Variants in EYS observed in about 807,000 individuals in gnomAD.
The protein encoded by EYS is EGF-like photoreceptor maintenance factor, also known as protein eyes shut homolog.
A neutral mutation model predicts 282.1 loss-of-function variants in EYS; 250 were observed. That is an observed-to-expected ratio of 0.89 (90% CI 0.80 to 0.98). The LOEUF is 0.98. Ranked by LOEUF, EYS falls within the 50% of genes least tolerant of loss-of-function variation. The probability of loss-of-function intolerance (pLI) is 0.00; values close to 1 mark genes in which losing one functional copy is unlikely to be tolerated. For synonymous variants in EYS, 1,355 were observed against 1,282.9 expected (o/e 1.06, Z -1.20); for missense variants, 4,016 against 3,709.0 (o/e 1.08, Z -2.15).
At chr6:64,727,370 T>C (rs992640998) in intron 22 of EYS, among the ~76,000 whole-genome samples, 3 of 152,310 alleles carry the variant, frequency 2.0e-5, no homozygotes, top group East Asian at 1.9e-4. Context: ...ATTAGACTTT[T>C]AGTTTGTTTT....
chr6:64,573,222 T>C (rs540335533), intron 26 of EYS, among the ~76,000 whole-genome samples: 9 of 152,218 alleles, frequency 5.9e-5, no homozygotes, highest in Non-Finnish European at 1.2e-4. Flanking sequence ...GCTAGGCATA[T>C]GCAGAAAGCT....
intron 29 of EYS, among the ~76,000 whole-genome samples, chr6:64,317,806 A>G (rs1429072412): frequency 6.6e-6 from 1 of 152,138 alleles, no homozygotes; most frequent in Non-Finnish European, 1.5e-5. Context: ...TAGACTGGAT[A>G]AAGAAAATGT....
chr6:64,405,191 T>A (rs1337890628), intron 28 of EYS, among the ~76,000 whole-genome samples: 1 of 152,132 alleles, frequency 6.6e-6, no homozygotes, highest in African/African-American at 2.4e-5. Flanking sequence ...ATCCATGAAG[T>A]GACATGTCTA....
chr6:65,573,846 G>A (rs1764564937), intron 2 of EYS, among the ~76,000 whole-genome samples: 1 of 152,136 alleles, frequency 6.6e-6, no homozygotes, highest in African/African-American at 2.4e-5. Flanking sequence ...TATTTCATGA[G>A]TATACTGTTT....
At chr6:64,686,825 A>ATATATACGTG (rs1770141711) in intron 22 of EYS, among the ~76,000 whole-genome samples, 1 of 17,676 alleles carries the variant, frequency 5.7e-5, no homozygotes, top group African/African-American at 1.0e-4. Flanking sequence ...ATATATGTGT[A>ATATATACGTG]TATATATATA....
intron 12 of EYS, among the ~76,000 whole-genome samples, chr6:65,255,139 C>A (rs1456351758): frequency 6.6e-6 from 1 of 151,824 alleles, no homozygotes; most frequent in Non-Finnish European, 1.5e-5. Flanking sequence ...TGCTATAGAG[C>A]TATTGTAACC....
At chr6:63,876,709 T>G (rs1325261529) in intron 35 of EYS, among the ~76,000 whole-genome samples, 1 of 152,238 alleles carries the variant, frequency 6.6e-6, no homozygotes, top group African/African-American at 2.4e-5. Flanking sequence ...TTGATCCCTT[T>G]AACATTATAT....
intron 12 of EYS, among the ~76,000 whole-genome samples, chr6:65,148,157 C>T (rs1764524258): frequency 6.6e-6 from 1 of 152,096 alleles, no homozygotes; most frequent in Non-Finnish European, 1.5e-5. Context: ...CTCAACAGTC[C>T]TCAAAGGCTT....
chr6:64,301,088 C>T (rs368463949), intron 30 of EYS, among the ~76,000 whole-genome samples: 29 of 152,266 alleles, frequency 1.9e-4, no homozygotes, highest in South Asian at 1.0e-3. Context: ...TTAATGATTG[C>T]GCCTGAAAAA....
intron 41 of EYS, among the ~76,000 whole-genome samples, chr6:63,747,982 C>T (rs1317906848): frequency 2.0e-5 from 3 of 152,150 alleles, no homozygotes; most frequent in Non-Finnish European, 4.4e-5. Context: ...TGAATTTGAT[C>T]CTGTCATTAT....
chr6:63,727,753 T>TATATATATA (rs1554164611), intron 41 of EYS, among the ~76,000 whole-genome samples: 2 of 104,546 alleles, frequency 1.9e-5, no homozygotes, highest in Non-Finnish European at 3.5e-5. Flanking sequence ...TATATATATG[T>TATATATATA]TAGCTGGGCA....
At chr6:64,651,640 G>A (rs774315672) in intron 22 of EYS, among the ~76,000 whole-genome samples, 15 of 152,174 alleles carry the variant, frequency 9.9e-5, no homozygotes, top group South Asian at 2.1e-4. Context: ...CCGAGACCGC[G>A]CCACCGCACT....
chr6:64,276,070 C>T (rs894230240), intron 30 of EYS, among the ~76,000 whole-genome samples: 3 of 151,956 alleles, frequency 2.0e-5, no homozygotes, highest in Non-Finnish European at 2.9e-5. Context: ...CCTATACATC[C>T]CTGAGATAAT....
chr6:63,793,273 T>C (rs568011677), intron 37 of EYS, among the ~76,000 whole-genome samples: 1 of 152,322 alleles, frequency 6.6e-6, no homozygotes, highest in South Asian at 2.1e-4. Flanking sequence ...AAGTCCACAA[T>C]TCCTTTTCCT....
At chr6:64,021,443 C>T (rs1047542846) in intron 33 of EYS, among the ~76,000 whole-genome samples, 3 of 151,768 alleles carry the variant, frequency 2.0e-5, no homozygotes, top group Non-Finnish European at 4.4e-5. Flanking sequence ...TGGCAAACTT[C>T]CTACAATGCA....
intron 12 of EYS, among the ~76,000 whole-genome samples, chr6:65,262,988 G>A (rs1767657953): frequency 6.6e-6 from 1 of 152,064 alleles, no homozygotes; most frequent in South Asian, 2.1e-4. Flanking sequence ...GGTTATTAAT[G>A]TAAACAATCA....
At chr6:63,845,742 G>A (rs1002510368) in intron 36 of EYS, among the ~76,000 whole-genome samples, 1 of 152,062 alleles carries the variant, frequency 6.6e-6, no homozygotes, top group Non-Finnish European at 1.5e-5. Context: ...GTAGCCTTTT[G>A]TTTATTGCAC....
chr6:64,939,054 T>G (rs1006703120), intron 15 of EYS, among the ~76,000 whole-genome samples: 3 of 151,854 alleles, frequency 2.0e-5, no homozygotes, highest in African/African-American at 7.2e-5. Context: ...TCCTAAGTTG[T>G]AAGTCATCCT....
intron 34 of EYS, among the ~76,000 whole-genome samples, chr6:63,991,730 A>C (rs1767611472): frequency 6.6e-6 from 1 of 151,654 alleles, no homozygotes; most frequent in Non-Finnish European, 1.5e-5. Flanking sequence ...TGGGGAAGAA[A>C]ATGTACACCC....
Sources: gnomAD v4.1 joint callset for allele counts (sites outside exome capture counted in the v4.1 genomes callset) on GRCh38, gnomAD v4.1.1 for gene constraint, MANE v1.5 for transcripts, NCBI Gene and HGNC (gene_info 2026-07-23, HGNC 2026-07-21) for gene names.